The following AUTS2 variants were observed in gnomAD, a reference collection of about 807,000 sequenced individuals.
AUTS2 encodes the protein autism susceptibility gene 2 protein.
In AUTS2, 17 loss-of-function variants were observed where a neutral mutation model predicts 112.4. The ratio of observed to expected loss-of-function variants is 0.15; its 90% CI spans 0.10 to 0.23. The LOEUF is 0.23. Among genes scored for constraint, AUTS2 ranks in the 10% least tolerant of loss-of-function variants. AUTS2 has a pLI of 1.00. For synonymous variants in AUTS2, 751 were observed against 702.7 expected, an observed-to-expected ratio of 1.07 and a Z score of -1.09; for missense variants, 1,510 against 1,701.6, an observed-to-expected ratio of 0.89 and a Z score of 1.98.
intron 1 of AUTS2, among the ~76,000 whole-genome samples, chr7:69,836,488 C>G (rs552020195): frequency 6.6e-6 from 1 of 152,270 alleles, no homozygotes; most frequent in African/African-American, 2.4e-5. Flanking sequence ...TAGGGACATT[C>G]ATTGTAAAGT....
chr7:70,153,759 G>A (rs1221643741), intron 4 of AUTS2, among the ~76,000 whole-genome samples: 4 of 152,144 alleles, frequency 2.6e-5, no homozygotes, highest in Non-Finnish European at 4.4e-5. Flanking sequence ...TCTGAAGAAT[G>A]TCAAAATGCA....
intron 4 of AUTS2, among the ~76,000 whole-genome samples, chr7:70,191,406 C>T (rs1809883781): frequency 6.6e-6 from 1 of 152,078 alleles, no homozygotes; most frequent in Non-Finnish European, 1.5e-5. Context: ...CTCCTGACCT[C>T]ATGATCCTCC....
intron 6 of AUTS2, among the ~76,000 whole-genome samples, chr7:70,709,598 G>C (rs7809035): frequency 0.76 from 116,177 of 152,120 alleles, 44,472 homozygotes; most frequent in East Asian, 0.94. Context: ...GTAATCCCAG[G>C]TGCTCGGGAG....
chr7:70,024,909 A>T (rs920681118), intron 2 of AUTS2, among the ~76,000 whole-genome samples: 1 of 152,208 alleles, frequency 6.6e-6, no homozygotes, highest in Admixed American at 6.5e-5. Flanking sequence ...CATCTAGAAA[A>T]TACCTTTATG....
rs1345420071 is a variant in AUTS2, at chr7:70,207,154, TCTTA to T, written c.660+72588_660+72591del. Among the ~76,000 whole-genome samples, 13 of 152,308 alleles carry T rather than the reference TCTTA, an allele frequency of 8.5e-5. No individual in the cohort carries two copies. The East Asian group carries it at 2.1e-3, about 25-fold the overall frequency. ...CTAATATTTTACCAGGAGTCAGATA[TCTTA>T]CTTAGGTGTGTTGAAGCAAGGGTTA... On this transcript the variant is annotated intron_variant, in intron 4 of 18. Transcript: ENST00000342771.
rs142627902 is a variant in AUTS2, at chr7:70,654,336, G to A, written c.691-44233G>A. On this transcript the variant is annotated intron_variant, in intron 5 of 18. Transcript: ENST00000342771. Reference sequence around the variant, plus strand: ...GTCTCTGTAGCAACTACCCAACTTCGCTATTGTAATGCAAAAAAGCTATTG... The same window carrying A: ...GTCTCTGTAGCAACTACCCAACTTCACTATTGTAATGCAAAAAAGCTATTG... Among the ~76,000 whole-genome samples the A allele has an allele frequency of 5.6e-3, 859 of 152,248 alleles. 4 individuals carry two copies. The highest frequency in any genetic ancestry group is 9.4e-3 in the Non-Finnish European group (636 of 68,016).
intron 1 of AUTS2, among the ~76,000 whole-genome samples, chr7:69,887,858 T>C (rs1246258588): frequency 6.6e-6 from 1 of 152,220 alleles, no homozygotes; most frequent in African/African-American, 2.4e-5. Flanking sequence ...CTAACATTCA[T>C]TGGCCTCTTT....
At chr7:70,748,330 A>G (rs144922231) in intron 6 of AUTS2, among the ~76,000 whole-genome samples, 2 of 152,222 alleles carry the variant, frequency 1.3e-5, no homozygotes. Context: ...TGGATGTTTT[A>G]TAGAAAATCA....
chr7:70,743,833 C>A (rs1300802824), intron 6 of AUTS2, among the ~76,000 whole-genome samples: 8 of 152,186 alleles, frequency 5.3e-5, no homozygotes, highest in African/African-American at 1.9e-4. Context: ...ATAGTTTTGA[C>A]TGGGGCCCTC....
Position 70,741,110 on chromosome 7 carries a change from A to T in AUTS2, c.743-21760A>T, listed in dbSNP as rs535453086. On this transcript the variant is annotated intron_variant, in intron 6 of 18. Coordinates refer to ENST00000342771, the MANE Select transcript of AUTS2 (RefSeq NM_015570.4). The stretch of plus-strand genomic sequence containing the variant: ...CCCTGTCTCAAAAATTAAAAAAAAT[A>T]AAAAAAAAAAAGAAACTTTTCCCTG... Among the ~76,000 whole-genome samples, 34 of 120,276 alleles carry T rather than the reference A, an allele frequency of 2.8e-4. No individual in the cohort carries two copies. The East Asian group carries it at 8.3e-3, about 29-fold the overall frequency. The allele number at this position is 120,276 out of a possible 152,430, so 78.9% of individuals were successfully genotyped here.
chr7:70,300,398 T>C (rs1009150853), intron 4 of AUTS2, among the ~76,000 whole-genome samples: 2 of 152,214 alleles, frequency 1.3e-5, no homozygotes, highest in African/African-American at 4.8e-5. Context: ...TCCTTTTCAG[T>C]CTTAATAAAG....
intron 4 of AUTS2, among the ~76,000 whole-genome samples, chr7:70,416,078 T>TGTGTTTTTTTCTCACTCAGA (rs1170956707): frequency 1.3e-5 from 2 of 152,256 alleles, no homozygotes; most frequent in East Asian, 3.9e-4. Context: ...TATTGTAAGG[T>TGTGTTTTTTTCTCACTCAGA]TTTAGTTTGT....
chr7:70,072,792 A>G (rs1164341735), intron 2 of AUTS2, among the ~76,000 whole-genome samples: 1 of 152,206 alleles, frequency 6.6e-6, no homozygotes, highest in Non-Finnish European at 1.5e-5. Context: ...ATTTAAAAAA[A>G]TATCGTGTTT....
intron 4 of AUTS2, among the ~76,000 whole-genome samples, chr7:70,413,201 C>T (rs542375327): frequency 6.6e-6 from 1 of 152,286 alleles, no homozygotes; most frequent in Non-Finnish European, 1.5e-5. Flanking sequence ...TGCTCATCTT[C>T]AAATAGCCTT....
At chr7:70,067,867 C>T (rs1328867312) in intron 2 of AUTS2, among the ~76,000 whole-genome samples, 1 of 150,548 alleles carries the variant, frequency 6.6e-6, no homozygotes, top group Non-Finnish European at 1.5e-5. Context: ...AAAAAAAAAA[C>T]CTGGAAAAAG....
At chr7:70,299,413 A>C (rs1455829030) in intron 4 of AUTS2, among the ~76,000 whole-genome samples, 2 of 152,210 alleles carry the variant, frequency 1.3e-5, no homozygotes, top group East Asian at 3.8e-4. Flanking sequence ...TCGGATATTC[A>C]TGTGTTGTAG....
chr7:70,703,700 T>C (rs1399270831), intron 6 of AUTS2, among the ~76,000 whole-genome samples: 2 of 152,174 alleles, frequency 1.3e-5, no homozygotes, highest in Admixed American at 6.5e-5. Context: ...GCATTTCCGA[T>C]GTGCACAAGA....
intron 5 of AUTS2, among the ~76,000 whole-genome samples, chr7:70,556,148 A>T (rs1801241419): frequency 6.6e-6 from 1 of 152,098 alleles, no homozygotes; most frequent in African/African-American, 2.4e-5. Flanking sequence ...GGGGGTAGGC[A>T]CATCAGATGG....
intron 2 of AUTS2, among the ~76,000 whole-genome samples, chr7:69,979,322 T>C (rs1798195271): frequency 6.6e-6 from 1 of 152,224 alleles, no homozygotes; most frequent in East Asian, 1.9e-4. Context: ...TTGAGACAAG[T>C]AGGACTTGAT....
Sources: gnomAD v4.1 joint callset for allele counts (sites outside exome capture counted in the v4.1 genomes callset) on GRCh38, gnomAD v4.1.1 for gene constraint, MANE v1.5 for transcripts, NCBI Gene and HGNC (gene_info 2026-07-23, HGNC 2026-07-21) for gene names.